The following SGCG variants were observed in gnomAD, a reference collection of about 807,000 sequenced individuals.
SGCG encodes the protein sarcoglycan gamma.
A neutral mutation model predicts 29.3 loss-of-function variants in SGCG; 26 were observed. The observed-to-expected ratio is 0.89, with a 90% CI of 0.65 to 1.23. SGCG has a LOEUF of 1.23. Ranked by LOEUF, SGCG falls within the 50% of genes most tolerant of loss-of-function variation. The probability of loss-of-function intolerance (pLI) is 0.00; values close to 1 mark genes in which losing one functional copy is unlikely to be tolerated. For missense variants in SGCG, 353 were observed against 356.0 expected, an observed-to-expected ratio of 0.99 and a Z score of 0.07; for synonymous variants, 145 against 129.7, an observed-to-expected ratio of 1.12 and a Z score of -0.80.
the SGCG span, among the ~76,000 whole-genome samples, chr13:23,165,826 C>T: frequency 1.3e-5 from 2 of 152,158 alleles, no homozygotes; most frequent in African/African-American, 2.4e-5. Flanking sequence ...CGTGCCCAGC[C>T]TGTTTCAAAT....
intron 1 of SGCG, among the ~76,000 whole-genome samples, chr13:23,182,644 G>A (rs1311567336): frequency 6.6e-6 from 1 of 152,200 alleles, no homozygotes; most frequent in Non-Finnish European, 1.5e-5. Flanking sequence ...GCTGTAGATA[G>A]TTTTATGGGA....
chr13:23,281,178 A>T (rs1881291487), intron 5 of SGCG, among the ~76,000 whole-genome samples: 1 of 151,920 alleles, frequency 6.6e-6, no homozygotes, highest in South Asian at 2.1e-4. Flanking sequence ...CTACAAAAGA[A>T]AAAGTACAAA....
intron 3 of SGCG, among the ~76,000 whole-genome samples, chr13:23,249,752 G>C (rs1328433491): frequency 6.6e-6 from 1 of 151,856 alleles, no homozygotes; most frequent in Non-Finnish European, 1.5e-5. Flanking sequence ...AAGCCACAAT[G>C]GACAGCATTC....
At chr13:23,207,607 T>C (rs1409100910) in intron 2 of SGCG, among the ~76,000 whole-genome samples, 2 of 152,122 alleles carry the variant, frequency 1.3e-5, no homozygotes, top group African/African-American at 4.8e-5. Flanking sequence ...GGAACTCCTA[T>C]AACTCAAGAG....
At chr13:23,322,677 A>C (rs1048037841) in intron 7 of SGCG, among the ~76,000 whole-genome samples, 1 of 151,648 alleles carries the variant, frequency 6.6e-6, no homozygotes, top group African/African-American at 2.4e-5. Context: ...CTGTTAGTAC[A>C]ACAAGAAGGC....
intron 2 of SGCG, among the ~76,000 whole-genome samples, chr13:23,228,320 T>G (rs1878977711): frequency 6.6e-6 from 1 of 152,262 alleles, no homozygotes; most frequent in Non-Finnish European, 1.5e-5. Flanking sequence ...TCTTTTTATT[T>G]CAAGCATTTA....
chr13:23,252,467 G>A lies in SGCG; in HGVS notation c.385+1750G>A, dbSNP rs1880005113. On this transcript the variant is annotated intron_variant, in intron 4 of 7. Transcript: ENST00000218867. The stretch of plus-strand genomic sequence containing the variant: ...AGCACTTTGGGAGGCCGAGGTGGGT[G>A]GATCATGAGGTCAGGAGATCAAGAC... Among the ~76,000 whole-genome samples, 3 of 152,002 alleles carry A rather than the reference G, an allele frequency of 2.0e-5. No homozygotes were observed. The South Asian group carries it at 6.2e-4, about 32-fold the overall frequency.
At chr13:23,192,634 G>T (rs2137482725) in intron 1 of SGCG, among the ~76,000 whole-genome samples, 1 of 152,290 alleles carries the variant, frequency 6.6e-6, no homozygotes, top group Non-Finnish European at 1.5e-5. Flanking sequence ...GACCTCAGGT[G>T]ATCCACCTGC....
intron 1 of SGCG, among the ~76,000 whole-genome samples, chr13:23,198,702 T>C (rs9630318): frequency 0.23 from 34,199 of 151,170 alleles, 4,158 homozygotes; most frequent in East Asian, 0.35. Context: ...AAAAATTAGC[T>C]GGATGTGGTG....
chr13:23,227,519 A>G (rs1878948458), intron 2 of SGCG, among the ~76,000 whole-genome samples: 1 of 152,170 alleles, frequency 6.6e-6, no homozygotes, highest in Admixed American at 6.5e-5. Flanking sequence ...TTTTCTCATA[A>G]TTGTCAACAA....
intron 4 of SGCG, among the ~76,000 whole-genome samples, chr13:23,276,199 A>G (rs1881060222): frequency 6.6e-6 from 1 of 152,048 alleles, no homozygotes; most frequent in South Asian, 2.1e-4. Context: ...AAAAACCGCT[A>G]GAATATTAAT....
At chr13:23,234,550 A>T in intron 2 of SGCG, 61 bp from the exon 3 acceptor site, 2 of 1,103,954 alleles carry the variant, frequency 1.8e-6, no homozygotes, top group Non-Finnish European at 2.8e-6. Flanking sequence ...AGTCAATATT[A>T]AGAGGAATGA....
chr13:23,165,191 G>A, the SGCG span, among the ~76,000 whole-genome samples: 1 of 152,082 alleles, frequency 6.6e-6, no homozygotes, highest in African/African-American at 2.4e-5. Context: ...TTGTTTGGGG[G>A]CCTATTTTAA....
At chr13:23,246,757 C>A in intron 3 of SGCG, 1 of 214,092 alleles carries the variant, frequency 4.7e-6, no homozygotes, top group South Asian at 8.5e-5. Context: ...TGCAGCTGGC[C>A]GTCTCTCTTA....
At chr13:23,236,965 TTGATA>T (rs1879339323) in intron 3 of SGCG, among the ~76,000 whole-genome samples, 1 of 152,170 alleles carries the variant, frequency 6.6e-6, no homozygotes, top group Non-Finnish European at 1.5e-5. Context: ...TCTGTATGGA[TTGATA>T]TATTAGTTAT....
intron 4 of SGCG, among the ~76,000 whole-genome samples, chr13:23,262,543 A>C (rs1024226049): frequency 6.6e-6 from 1 of 152,090 alleles, no homozygotes; most frequent in South Asian, 2.1e-4. Flanking sequence ...AGAGATAGAC[A>C]GCAAAACAAT....
chr13:23,324,429 C>G lies in SGCG; in HGVS notation c.764C>G (p.Ser255Cys). The G allele has an allele frequency of 6.2e-7, 1 of 1,614,132 alleles. No homozygotes were observed. Among genetic ancestry groups the G allele is most frequent in the Non-Finnish European group, 8.5e-7 (1 of 1,180,008 alleles). Residue 255 changes from serine to cysteine, a missense_variant, in exon 8 of 8, where the codon TCT becomes TGT. Physicochemically the swap from Ser to Cys is moderately radical, Grantham distance 112. Coordinates refer to ENST00000218867, the MANE Select transcript of SGCG (RefSeq NM_000231.3). Reference sequence around the variant, plus strand: ...CTGGTGCAGGGGACGTGGGGTCCCTCTGGCAGCTCACAGAGCCTCTACGAA... The same window carrying G: ...CTGGTGCAGGGGACGTGGGGTCCCTGTGGCAGCTCACAGAGCCTCTACGAA... Reference protein sequence around the residue: ...PKLVQGTWGPSGSSQSLYEIC... With the variant: ...PKLVQGTWGPCGSSQSLYEIC...
At chr13:23,276,682 G>A (rs1374232658) in intron 4 of SGCG, among the ~76,000 whole-genome samples, 3 of 152,170 alleles carry the variant, frequency 2.0e-5, no homozygotes, top group Admixed American at 2.0e-4. Context: ...CAATCTGCCC[G>A]CCTCGGCTTC....
At chr13:23,205,924 C>T (rs187158999) in intron 2 of SGCG, among the ~76,000 whole-genome samples, 1 of 152,310 alleles carries the variant, frequency 6.6e-6, no homozygotes, top group East Asian at 1.9e-4. Context: ...CCCAAAGTCA[C>T]TAAGCTACAG....
Sources: gnomAD v4.1 joint callset for allele counts (sites outside exome capture counted in the v4.1 genomes callset) on GRCh38, gnomAD v4.1.1 for gene constraint, MANE v1.5 for transcripts, NCBI Gene and HGNC (gene_info 2026-07-23, HGNC 2026-07-21) for gene names.